ARHGAP44: variants seen among roughly 807,000 people sequenced by gnomAD.
The protein encoded by ARHGAP44 is Rho GTPase activating protein 44.
A neutral mutation model predicts 106.8 loss-of-function variants in ARHGAP44; 43 were observed. The observed-to-expected ratio is 0.40, with a 90% CI of 0.32 to 0.52. ARHGAP44 has a LOEUF of 0.52. ARHGAP44 is among the 20% of genes least tolerant of loss of function. The probability of loss-of-function intolerance (pLI) is 0.48; values close to 1 mark genes in which losing one functional copy is unlikely to be tolerated. For synonymous variants in ARHGAP44, 439 were observed against 410.3 expected (o/e 1.07, Z -0.85); for missense variants, 866 against 1,050.5 (o/e 0.82, Z 2.43).
rs1011981411 is a variant in ARHGAP44 at position 12,823,280 on chromosome 17, A to G, written c.53+33389A>G. 5.9e-5 allele frequency among the ~76,000 whole-genome samples: 9 copies of G among 152,130 alleles called. No individual in the cohort carries two copies. In the South Asian group the frequency reaches 1.9e-3, roughly 32 times the overall value. ...AGGTTGGTACCACTGTGACTTCTTGACCACTCAACTTAAGTGAGCCCCAAT... is the reference window on the plus strand; with the variant it reads ...AGGTTGGTACCACTGTGACTTCTTGGCCACTCAACTTAAGTGAGCCCCAAT... On this transcript the variant is annotated intron_variant, in intron 1 of 20. Transcript: ENST00000379672.
intron 1 of ARHGAP44, among the ~76,000 whole-genome samples, chr17:12,793,836 A>G (rs1597848389): frequency 6.6e-6 from 1 of 152,222 alleles, no homozygotes; most frequent in Non-Finnish European, 1.5e-5. Context: ...GGAGGCAGGG[A>G]CAGCTGCCCT....
At chr17:12,870,094 G>C (rs923892004) in intron 1 of ARHGAP44, among the ~76,000 whole-genome samples, 11 of 128,660 alleles carry the variant, frequency 8.5e-5, no homozygotes, top group Non-Finnish European at 6.2e-5. Flanking sequence ...TGTCACTCAG[G>C]CTGGAGTGCA....
At chr17:12,911,767 A>G (rs2150944025) in intron 4 of ARHGAP44, among the ~76,000 whole-genome samples, 1 of 152,296 alleles carries the variant, frequency 6.6e-6, no homozygotes, top group African/African-American at 2.4e-5. Flanking sequence ...TTCAGTAAAG[A>G]AGAGGCTCGA....
rs1293494053 is a variant in ARHGAP44 at position 12,974,124 on chromosome 17, C to T, written c.1577C>T (p.Ala526Val). 1.1e-5 allele frequency: 18 copies of T among 1,570,294 alleles called. No individual in the cohort carries two copies. The highest frequency in any genetic ancestry group is 1.6e-5 in the Non-Finnish European group (18 of 1,157,798). The part of the protein sequence containing the change: ...GVRVMDTNWV[A>V]RRGSSAGRKV... ...AGGGTCATGGACACAAACTGGGTGG[C>T]TCGAAGAGGCTCCTCGGCCGGTCGG... The change falls in exon 18 of 21, where the codon GCT (alanine) becomes GTT (valine). Residue 526 changes from alanine to valine, a missense_variant. Transcript: ENST00000379672.
chr17:12,921,446 A>G (rs755362274), intron 6 of ARHGAP44, among the ~76,000 whole-genome samples: 1 of 152,188 alleles, frequency 6.6e-6, no homozygotes, highest in Non-Finnish European at 1.5e-5. Flanking sequence ...CTTGGGCTCA[A>G]GCAATCCTTC....
chr17:12,905,879 G>A (rs1393962823), intron 3 of ARHGAP44, among the ~76,000 whole-genome samples: 1 of 152,186 alleles, frequency 6.6e-6, no homozygotes, highest in Non-Finnish European at 1.5e-5. Context: ...TCAAGACGAA[G>A]CATCTTCACT....
chr17:12,831,775 G>A (rs1162895759), intron 1 of ARHGAP44, among the ~76,000 whole-genome samples: 3 of 152,178 alleles, frequency 2.0e-5, no homozygotes, highest in Admixed American at 1.3e-4. Context: ...ACTAAAGAGT[G>A]TAAGAAACAA....
At chr17:12,957,948 C>G (rs1412892206) in intron 15 of ARHGAP44, among the ~76,000 whole-genome samples, 1 of 152,122 alleles carries the variant, frequency 6.6e-6, no homozygotes, top group Non-Finnish European at 1.5e-5. Context: ...CTTTCTTTTG[C>G]TTCATGTGTT....
rs985283433 is a variant in ARHGAP44 at position 12,950,000 on chromosome 17, G to T, written c.1055+270G>T. Reference sequence around the variant, plus strand: ...TAAACTGTGGAGTGTCTGTACCATCGCACACTCTGGAACAATTAAAAAATA... The same window carrying T: ...TAAACTGTGGAGTGTCTGTACCATCTCACACTCTGGAACAATTAAAAAATA... On this transcript the variant is annotated intron_variant, in intron 12 of 20. Coordinates refer to ENST00000379672, the MANE Select transcript of ARHGAP44 (RefSeq NM_014859.6). This position sits in a 1 kb window ranked among gnomAD's most constrained non-coding sequence, Gnocchi z 4.1. Among the ~76,000 whole-genome samples, 4 of 152,242 alleles carry T rather than the reference G, an allele frequency of 2.6e-5. No individual in the cohort carries two copies. The East Asian group carries it at 7.7e-4, about 29-fold the overall frequency.
chr17:12,798,468 T>C (rs2033992068), intron 1 of ARHGAP44, among the ~76,000 whole-genome samples: 1 of 152,192 alleles, frequency 6.6e-6, no homozygotes, highest in Non-Finnish European at 1.5e-5. Flanking sequence ...ATTCCGTATA[T>C]ATTTATTGGA....
At chr17:12,903,162 T>A (rs1382097833) in intron 3 of ARHGAP44, among the ~76,000 whole-genome samples, 1 of 150,392 alleles carries the variant, frequency 6.6e-6, no homozygotes, top group African/African-American at 2.5e-5. Flanking sequence ...TGTGTGTGTG[T>A]GTGTGTGTGT....
chr17:12,827,806 A>G (rs138279024), intron 1 of ARHGAP44, among the ~76,000 whole-genome samples: 471 of 152,242 alleles, frequency 3.1e-3, no homozygotes, highest in African/African-American at 0.01. Flanking sequence ...CTTACTGCCA[A>G]GATGGGTGGA....
intron 13 of ARHGAP44, chr17:12,955,632 T>G: frequency 2.3e-6 from 1 of 432,498 alleles, no homozygotes; most frequent in Non-Finnish European, 4.2e-6. Flanking sequence ...TTCTGGCCAG[T>G]GTTAGTTGAA....
At position 12,824,778 on chromosome 17, in the gene ARHGAP44, C is replaced by T. The variant is rs190371588; in HGVS notation, c.53+34887C>T. ...TTAATGTACCTCGCTAGCCTCCCCT[C>T]GTACGTCCTTCCTTTTGCTTCTGCA... is the stretch of plus-strand genomic sequence containing the variant. On this transcript the variant is annotated intron_variant, in intron 1 of 20. Coordinates refer to ENST00000379672, the MANE Select transcript of ARHGAP44 (RefSeq NM_014859.6). Among the ~76,000 whole-genome samples, 302 of 151,928 alleles carry T rather than the reference C, an allele frequency of 2.0e-3. 1 individual carries two copies. The highest frequency in any genetic ancestry group is 6.8e-3 in the African/African-American group (283 of 41,456).
intron 1 of ARHGAP44, among the ~76,000 whole-genome samples, chr17:12,795,875 ACT>A (rs368259171): frequency 1.5e-4 from 22 of 150,712 alleles, no homozygotes; most frequent in African/African-American, 4.1e-4. Flanking sequence ...GCAATTTCAA[ACT>A]CTTCTTTCTG....
intron 10 of ARHGAP44, among the ~76,000 whole-genome samples, chr17:12,946,478 T>TAA (rs71144938): frequency 0.011 from 1,434 of 134,570 alleles, 23 homozygotes; most frequent in African/African-American, 0.036. Flanking sequence ...AGATGCTCTC[T>TAA]AAAAAAAAAA....
intron 6 of ARHGAP44, among the ~76,000 whole-genome samples, chr17:12,925,669 C>T (rs1011643301): frequency 1.3e-5 from 2 of 152,166 alleles, no homozygotes; most frequent in South Asian, 2.1e-4. Flanking sequence ...AGTCACAAGT[C>T]CTCTTTCCCC....
At chr17:12,873,853 G>A (rs2036471622) in intron 1 of ARHGAP44, among the ~76,000 whole-genome samples, 2 of 152,052 alleles carry the variant, frequency 1.3e-5, no homozygotes, top group East Asian at 1.9e-4. Flanking sequence ...GCAGTGAGCC[G>A]AGATCACGCC....
At chr17:12,951,894 G>C (rs1191412488) in intron 12 of ARHGAP44, among the ~76,000 whole-genome samples, 3 of 152,052 alleles carry the variant, frequency 2.0e-5, no homozygotes, top group South Asian at 4.2e-4. Flanking sequence ...CAAGGCTATT[G>C]GGTTGATAAC....
Sources: gnomAD v4.1 joint callset for allele counts (sites outside exome capture counted in the v4.1 genomes callset) on GRCh38, gnomAD v4.1.1 for gene constraint, Gnocchi (gnomAD v3.1) non-coding constraint, MANE v1.5 for transcripts, NCBI Gene and HGNC (gene_info 2026-07-23, HGNC 2026-07-21) for gene names.